Variants in AMD1 observed in about 807,000 individuals in gnomAD.
AMD1 encodes adenosylmethionine decarboxylase 1, also known as S-adenosylmethionine decarboxylase proenzyme.
AMD1 carries 11 observed loss-of-function variants against 40.2 expected under a neutral mutation model. That is an observed-to-expected ratio of 0.27 (90% confidence interval 0.17 to 0.45). The LOEUF (loss-of-function observed/expected upper bound fraction) is 0.45. Ranked by LOEUF, AMD1 falls within the 20% of genes least tolerant of loss-of-function variation. AMD1 has a pLI of 1.00. For synonymous variants in AMD1, 121 were observed against 130.8 expected (o/e 0.93, Z 0.51); for missense variants, 257 against 410.2 (o/e 0.63, Z 3.23).
the AMD1 span, among the ~76,000 whole-genome samples, chr6:110,832,186 T>C: frequency 1.3e-5 from 2 of 150,952 alleles, no homozygotes; most frequent in African/African-American, 2.4e-5. Context: ...TTTGTATTTT[T>C]AGTAGAGACA....
At position 110,890,422 on chromosome 6, in the gene AMD1, TTC is replaced by T; in HGVS notation, c.427+68_427+69del. ...ATAGAAAGTGCAACCTCAGAGATCT[TTC>T]TATATGAGAGCATACTTATGCATAT... On this transcript the variant is annotated intron_variant, in intron 4 of 8. Coordinates refer to ENST00000368885, the MANE Select transcript of AMD1 (RefSeq NM_001634.6). 10 of 1,141,020 alleles carry T rather than the reference TTC, an allele frequency of 8.8e-6. No individual in the cohort carries two copies. The South Asian group carries it at 1.3e-4, about 15-fold the overall frequency. 70.7% of individuals were successfully genotyped at this position (1,141,020 alleles called of 1,614,324 possible).
At chr6:110,885,384 A>G (rs1205647828) in intron 1 of AMD1, among the ~76,000 whole-genome samples, 1 of 151,804 alleles carries the variant, frequency 6.6e-6, no homozygotes, top group African/African-American at 2.4e-5. Flanking sequence ...AAGTGGTGGG[A>G]TTACAGGCAT....
chr6:110,815,356 A>ACGG, the AMD1 span: 40 of 393,502 alleles, frequency 1.0e-4, no homozygotes, highest in South Asian at 2.2e-4. Flanking sequence ...CTCCTCCGCG[A>ACGG]CGGCGGCGGC....
chr6:110,837,144 G>A, the AMD1 span, among the ~76,000 whole-genome samples: 1 of 122,212 alleles, frequency 8.2e-6, no homozygotes, highest in Admixed American at 1.0e-4. Context: ...TACCACCACT[G>A]CAGTACAGTC....
the AMD1 span, among the ~76,000 whole-genome samples, chr6:110,859,303 T>A: frequency 4.6e-5 from 7 of 151,850 alleles, no homozygotes; most frequent in Admixed American, 6.6e-5. Context: ...TTCTTCCCCC[T>A]TGCCTTGGTC....
the AMD1 span, chr6:110,848,820 C>A: frequency 4.8e-6 from 1 of 209,712 alleles, no homozygotes; most frequent in African/African-American, 2.3e-5. Context: ...TGGGCAAGAA[C>A]GTAACAAACA....
the AMD1 span, among the ~76,000 whole-genome samples, chr6:110,843,132 C>CA: frequency 7.1e-6 from 1 of 141,730 alleles, no homozygotes; most frequent in African/African-American, 2.6e-5. Context: ...GACTCCCTCT[C>CA]AAAAAAAAGT....
At chr6:110,889,253 T>C (rs1375366463) in intron 3 of AMD1, 7 of 223,628 alleles carry the variant, frequency 3.1e-5, no homozygotes, top group East Asian at 3.1e-4. Flanking sequence ...TGGCTACTTA[T>C]AATAATAGAG....
the AMD1 span, among the ~76,000 whole-genome samples, chr6:110,866,674 G>A: frequency 6.6e-6 from 1 of 152,066 alleles, no homozygotes; most frequent in East Asian, 1.9e-4. Context: ...TTTTTTGATG[G>A]TCTGGATCTT....
chr6:110,859,317 C>T, the AMD1 span, among the ~76,000 whole-genome samples: 5 of 151,984 alleles, frequency 3.3e-5, no homozygotes, highest in African/African-American at 1.2e-4. Context: ...CTTGGTCCTT[C>T]GCAGGACTGA....
rs186209197 is a variant in AMD1 at position 110,893,863 on chromosome 6, G to A, written c.*247G>A. On this transcript the variant is annotated 3_prime_UTR_variant, in exon 9 of 9. Transcript: ENST00000368885. Reference sequence around the variant, plus strand: ...CTGCCACTCTTGCTGTGAAATTGAAGTGCATGTAGAAAAAACCTTTTACTA... The same window carrying A: ...CTGCCACTCTTGCTGTGAAATTGAAATGCATGTAGAAAAAACCTTTTACTA... 34 of 424,468 alleles carry A rather than the reference G, an allele frequency of 8.0e-5. No homozygotes were observed. The East Asian group carries it at 1.3e-3, about 16-fold the overall frequency. 26.3% of individuals were successfully genotyped at this position (424,468 alleles called of 1,614,324 possible).
chr6:110,822,208 T>C, the AMD1 span, among the ~76,000 whole-genome samples: 2 of 151,520 alleles, frequency 1.3e-5, no homozygotes, highest in East Asian at 1.9e-4. Flanking sequence ...AACAGGAAAA[T>C]AGAAGATTCA....
At chr6:110,838,576 C>A in the AMD1 span, among the ~76,000 whole-genome samples, 2 of 151,130 alleles carry the variant, frequency 1.3e-5, no homozygotes, top group Non-Finnish European at 3.0e-5. Context: ...AACTACTTTC[C>A]AGCGGGGAGC....
chr6:110,879,147 C>G (rs1467277901), intron 1 of AMD1, among the ~76,000 whole-genome samples: 1 of 152,098 alleles, frequency 6.6e-6, no homozygotes, highest in Admixed American at 6.5e-5. Flanking sequence ...AGAGCCCAGT[C>G]TGGGCAACAT....
Position 110,890,353 on chromosome 6 carries a change from C to T in AMD1, c.424C>T (p.Pro142Ser). 6.3e-7 allele frequency: 1 copy of T among 1,586,462 alleles called. No individual in the cohort carries two copies. The change falls in exon 4 of 9, where the codon CCA (proline) becomes TCA (serine). Residue 142 changes from proline to serine, a missense_variant. Around this residue, in one of 3 missense-constraint regions of AMD1, gnomAD observed 192 missense variants for 296.5 expected, o/e 0.65. Coordinates refer to ENST00000368885, the MANE Select transcript of AMD1 (RefSeq NM_001634.6). ...EEIEFLNAIFPNGAAYCMGRM... is the reference protein window; with the variant it reads ...EEIEFLNAIFSNGAAYCMGRM... The stretch of plus-strand genomic sequence containing the variant: ...AATAGAGTTTCTTAATGCAATTTTC[C>T]CAAGTAAGTTTAAATAAAATATAAA...
chr6:110,860,950 G>T, the AMD1 span, among the ~76,000 whole-genome samples: 2 of 151,836 alleles, frequency 1.3e-5, no homozygotes, highest in African/African-American at 4.8e-5. Flanking sequence ...GGCTGGTCGG[G>T]TACAGTGGCT....
intron 1 of AMD1, among the ~76,000 whole-genome samples, chr6:110,882,078 A>G (rs968259663): frequency 2.6e-5 from 4 of 152,206 alleles, no homozygotes; most frequent in African/African-American, 9.6e-5. Flanking sequence ...TTGGGAGTGA[A>G]GCAGAGACAA....
At chr6:110,821,092 T>A in the AMD1 span, among the ~76,000 whole-genome samples, 1 of 152,198 alleles carries the variant, frequency 6.6e-6, no homozygotes, top group Non-Finnish European at 1.5e-5. Context: ...AAAGTTGTGT[T>A]CTTCTACAGC....
intron 2 of AMD1, 75 bp downstream of exon 2, chr6:110,887,666 A>G (rs1785769631): frequency 9.2e-7 from 1 of 1,090,952 alleles, no homozygotes; most frequent in Non-Finnish European, 1.3e-6. Flanking sequence ...AGTTCCTCTC[A>G]GTTGTAGTTC....
Sources: gnomAD v4.1 joint callset for allele counts (sites outside exome capture counted in the v4.1 genomes callset) on GRCh38, gnomAD v4.1.1 for gene constraint, gnomAD v4.1.1 regional missense constraint, MANE v1.5 for transcripts, NCBI Gene and HGNC (gene_info 2026-07-23, HGNC 2026-07-21) for gene names.